The following TMEM63C variants were observed in gnomAD, a reference collection of about 807,000 sequenced individuals.
TMEM63C encodes transmembrane protein 63C, also known as osmosensitive cation channel TMEM63C.
In TMEM63C, 32 loss-of-function variants were observed where a neutral mutation model predicts 99.2. The observed-to-expected ratio is 0.32, with a 90% CI of 0.24 to 0.43. The LOEUF (loss-of-function observed/expected upper bound fraction) is 0.43. TMEM63C is among the 20% of genes least tolerant of loss of function. The pLI is 1.00. For synonymous variants in TMEM63C, 376 were observed against 397.9 expected (o/e 0.94, Z 0.66); for missense variants, 826 against 1,053.0 (o/e 0.78, Z 2.98).
At chr14:77,194,334 ATATGTGTGTGTGTGTGTGTGTGTG>A (rs1378373723) in intron 1 of TMEM63C, among the ~76,000 whole-genome samples, 2 of 71,938 alleles carry the variant, frequency 2.8e-5, no homozygotes, top group African/African-American at 6.6e-5. Context: ...AGATATATAT[ATATGTGTGTGTGTGTGTGTGTGTG>A]TGTGTGTGTG....
chr14:77,195,234 C>G (rs1472226112), intron 1 of TMEM63C, among the ~76,000 whole-genome samples: 1 of 152,066 alleles, frequency 6.6e-6, no homozygotes, highest in African/African-American at 2.4e-5. Flanking sequence ...CAGATGTGGG[C>G]GGGCCCAAGA....
intron 2 of TMEM63C, among the ~76,000 whole-genome samples, chr14:77,216,558 C>T (rs1321917320): frequency 1.3e-5 from 2 of 152,174 alleles, no homozygotes; most frequent in Non-Finnish European, 2.9e-5. Flanking sequence ...CGCACTCCCC[C>T]TCCACCTCTA....
At chr14:77,244,654 G>A (rs1442279780) in intron 16 of TMEM63C, among the ~76,000 whole-genome samples, 199 bp downstream of exon 16, 6 of 152,198 alleles carry the variant, frequency 3.9e-5, no homozygotes, top group African/African-American at 1.4e-4. Flanking sequence ...GTTGACTCTG[G>A]GCCCCTGGGT....
At chr14:77,252,351 C>T (rs915319767) in intron 22 of TMEM63C, among the ~76,000 whole-genome samples, 1 of 152,154 alleles carries the variant, frequency 6.6e-6, no homozygotes, top group African/African-American at 2.4e-5. Flanking sequence ...TTGAGGTGGC[C>T]ATGTTTGGAG....
chr14:77,203,144 G>T (rs912159529), intron 1 of TMEM63C, among the ~76,000 whole-genome samples: 1 of 152,152 alleles, frequency 6.6e-6, no homozygotes, highest in Non-Finnish European at 1.5e-5. Context: ...TTGGGAGGCC[G>T]AGGTGGGTGA....
At chr14:77,189,262 A>C in intron 1 of TMEM63C, among the ~76,000 whole-genome samples, 1 of 138,416 alleles carries the variant, frequency 7.2e-6, no homozygotes, top group Non-Finnish European at 1.5e-5. Context: ...GATGCACACC[A>C]CCACACCCAG....
intron 6 of TMEM63C, among the ~76,000 whole-genome samples, chr14:77,226,022 T>C (rs1888815403): frequency 6.6e-6 from 1 of 152,168 alleles, no homozygotes; most frequent in South Asian, 2.1e-4. Context: ...TGTTTTCTCC[T>C]GATTCCCCAA....
rs766683743 is a variant in TMEM63C, at chr14:77,248,475, C to G, written c.1730C>G (p.Ser577Cys). ...LFCYSTRLFF[S>C]RSEPERVNIR... Reference sequence around the variant, plus strand: ...TGCTACAGCACCCGCCTCTTCTTCTCTAGATCAGAGCCAGAGAGAGTCAAC... The same window carrying G: ...TGCTACAGCACCCGCCTCTTCTTCTGTAGATCAGAGCCAGAGAGAGTCAAC... Residue 577 changes from serine to cysteine, a missense_variant, in exon 19 of 24, where the codon TCT becomes TGT. By Grantham distance (112) the Ser-to-Cys change is moderately radical (BLOSUM62 -1). Coordinates refer to ENST00000298351, the MANE Select transcript of TMEM63C (RefSeq NM_020431.4). The G allele has an allele frequency of 6.3e-7, 1 of 1,593,416 alleles. No individual in the cohort carries two copies. Among genetic ancestry groups the G allele is most frequent in the Non-Finnish European group, 8.5e-7 (1 of 1,169,984 alleles).
intron 11 of TMEM63C, 51 bp downstream of exon 11, chr14:77,239,543 G>A (rs867555942): frequency 1.2e-6 from 2 of 1,612,174 alleles, no homozygotes; most frequent in African/African-American, 1.3e-5. Context: ...TAAAAGGGGA[G>A]GATGGGGCTC....
At position 77,251,798 on chromosome 14, in the gene TMEM63C, A is replaced by G. The variant is rs1317451186; in HGVS notation, c.2048A>G (p.His683Arg). Residue 683 changes from histidine (H) to arginine (R), a missense_variant, in exon 22 of 24, where the codon CAC becomes CGC. Transcript: ENST00000298351. ...TTCTCCTCCTCGGCAGGTTCTCTCC[A>G]CGCCATCACCATCTTTTCCCTGTCC... is the stretch of plus-strand genomic sequence containing the variant. ...FFSILRLGSL[H>R]AITIFSLSTL... is the part of the protein sequence containing the mutation. 1.9e-6 allele frequency: 3 copies of G among 1,613,616 alleles called. No homozygotes were observed. The highest frequency in any genetic ancestry group is 3.3e-5 in the Admixed American group (2 of 59,990).
chr14:77,247,283 C>G (rs1354367292), intron 18 of TMEM63C, among the ~76,000 whole-genome samples: 4 of 152,162 alleles, frequency 2.6e-5, no homozygotes, highest in Non-Finnish European at 5.9e-5. Flanking sequence ...TCACTACAAC[C>G]TCTGCCTCCC....
At chr14:77,243,619 G>A (rs1889218521) in intron 15 of TMEM63C, among the ~76,000 whole-genome samples, 1 of 152,150 alleles carries the variant, frequency 6.6e-6, no homozygotes. Flanking sequence ...TCTGAAGTTA[G>A]GGGATGCCTC....
intron 1 of TMEM63C, among the ~76,000 whole-genome samples, chr14:77,204,126 G>A (rs574185689): frequency 2.5e-4 from 38 of 152,330 alleles, no homozygotes; most frequent in Non-Finnish European, 5.0e-4. Context: ...GACTTAGTGG[G>A]GACTTGTTAC....
rs2140125327 is a variant in TMEM63C at position 77,240,465 on chromosome 14, G to C, written c.931-10G>C. Reference sequence around the variant, plus strand: ...CTGGCCCCAGCCCTGAAGGCTGCCTGCCACCCCAGGTGGATGCAGAGCAGT... The same window carrying C: ...CTGGCCCCAGCCCTGAAGGCTGCCTCCCACCCCAGGTGGATGCAGAGCAGT... On this transcript the variant is annotated splice_polypyrimidine_tract_variant and intron_variant, in intron 12 of 23. Coordinates refer to ENST00000298351, the MANE Select transcript of TMEM63C (RefSeq NM_020431.4). 3 of 1,606,062 alleles carry C rather than the reference G, an allele frequency of 1.9e-6. No homozygotes were observed. The highest frequency in any genetic ancestry group is 1.7e-6 in the Non-Finnish European group (2 of 1,178,852).
intron 23 of TMEM63C, among the ~76,000 whole-genome samples, chr14:77,255,376 CTTAA>C (rs1222645889): frequency 6.6e-6 from 1 of 152,180 alleles, no homozygotes; most frequent in Non-Finnish European, 1.5e-5. Flanking sequence ...TTCAAATTGC[CTTAA>C]TTGTTCCAGA....
At chr14:77,245,797 A>C in intron 16 of TMEM63C, 143 bp from the exon 17 acceptor site, 3 of 665,166 alleles carry the variant, frequency 4.5e-6, no homozygotes, top group Non-Finnish European at 2.7e-6. Context: ...ACATGTGGGA[A>C]TTATGAGAGC....
intron 2 of TMEM63C, among the ~76,000 whole-genome samples, chr14:77,215,221 T>C (rs1333196697): frequency 3.9e-5 from 6 of 152,008 alleles, no homozygotes; most frequent in Admixed American, 2.6e-4. Flanking sequence ...TATTTCTACC[T>C]TTTTTTCCTG....
intron 1 of TMEM63C, among the ~76,000 whole-genome samples, chr14:77,203,817 A>C (rs550704622): frequency 1.5e-3 from 231 of 152,382 alleles, no homozygotes; most frequent in African/African-American, 5.5e-3. Context: ...CCCTGGCAGC[A>C]GCAGGAGGTG....
chr14:77,254,313 C>T (rs576227824), intron 23 of TMEM63C, among the ~76,000 whole-genome samples: 2 of 152,152 alleles, frequency 1.3e-5, no homozygotes, highest in South Asian at 2.1e-4. Flanking sequence ...AGTGAGTGCA[C>T]GGTGACAGAA....
Sources: gnomAD v4.1 joint callset for allele counts (sites outside exome capture counted in the v4.1 genomes callset) on GRCh38, gnomAD v4.1.1 for gene constraint, MANE v1.5 for transcripts, NCBI Gene and HGNC (gene_info 2026-07-23, HGNC 2026-07-21) for gene names.